The following SLC18A1 variants were observed in gnomAD, a reference collection of about 807,000 sequenced individuals.
SLC18A1 encodes the protein chromaffin granule amine transporter.
In SLC18A1, 69 loss-of-function variants were observed where a neutral mutation model predicts 53.7. The ratio of observed to expected loss-of-function variants is 1.28; its 90% CI spans 1.06 to 1.57. SLC18A1 has a LOEUF of 1.57. Among genes scored for constraint, SLC18A1 ranks in the 40% most tolerant of loss-of-function variants. SLC18A1 has a pLI of 0.00. For missense variants in SLC18A1, 932 were observed against 668.1 expected (o/e 1.40, Z -4.35); for synonymous variants, 320 against 248.1 (o/e 1.29, Z -2.72).
At chr8:20,153,451 G>A (rs1464140395) in intron 10 of SLC18A1, among the ~76,000 whole-genome samples, 1 of 152,180 alleles carries the variant, frequency 6.6e-6, no homozygotes, top group Non-Finnish European at 1.5e-5. Flanking sequence ...GCAGAGGCGG[G>A]TGGATCACAA....
intron 12 of SLC18A1, 40 bp downstream of exon 12, chr8:20,149,636 C>A: frequency 1.3e-6 from 2 of 1,529,074 alleles, no homozygotes; most frequent in Admixed American, 3.4e-5. Flanking sequence ...GTCTCTCGCT[C>A]TCTCTCTCCT....
rs956140182 is a variant in SLC18A1, at chr8:20,161,952, T to C, written c.1015+2917A>G. Among the ~76,000 whole-genome samples the C allele has an allele frequency of 3.4e-4, 52 of 152,304 alleles. 1 individual carries two copies. The highest frequency in any genetic ancestry group is 1.2e-3 in the African/African-American group (51 of 41,568). On this transcript the variant is annotated intron_variant, in intron 10 of 15. Coordinates refer to ENST00000276373, the MANE Select transcript of SLC18A1 (RefSeq NM_003053.4). ...CCGTGATCTTGGAAGTGGCTGTGCA[T>C]GGCATCTTTTGAAATTTAGGTGGAA... is the stretch of plus-strand genomic sequence containing the variant.
intron 8 of SLC18A1, 64 bp from the exon 9 acceptor site, chr8:20,165,171 G>C (rs1274293027): frequency 9.9e-6 from 14 of 1,407,212 alleles, no homozygotes; most frequent in Non-Finnish European, 1.3e-5. Context: ...TATTTTCACA[G>C]AATCTGAGAA....
chr8:20,149,780 C>T (rs1475304058), intron 11 of SLC18A1, 53 bp from the exon 12 acceptor site: 2 of 1,543,732 alleles, frequency 1.3e-6, no homozygotes, highest in Admixed American at 3.4e-5. Flanking sequence ...TCCCCTCCAC[C>T]TGTACCCCAT....
At chr8:20,153,667 A>T (rs1348963478) in intron 10 of SLC18A1, among the ~76,000 whole-genome samples, 2 of 77,104 alleles carry the variant, frequency 2.6e-5, no homozygotes, top group Non-Finnish European at 5.0e-5. Context: ...ACTCTGTCTC[A>T]AAAAAAAAAA....
Position 20,154,422 on chromosome 8 carries a change from A to G in SLC18A1, c.1016-3678T>C, listed in dbSNP as rs192953000. On this transcript the variant is annotated intron_variant, in intron 10 of 15. Transcript: ENST00000276373. Reference sequence around the variant, plus strand: ...AATGAGGAGGGACAACTAAGAGGTCACTAGATGTTTGCAACAAACAAGGGT... The same window carrying G: ...AATGAGGAGGGACAACTAAGAGGTCGCTAGATGTTTGCAACAAACAAGGGT... Among the ~76,000 whole-genome samples, 54 of 152,350 alleles carry G rather than the reference A, an allele frequency of 3.5e-4. No individual in the cohort carries two copies. The East Asian group carries it at 6.4e-3, about 18-fold the overall frequency.
chr8:20,147,682 C>G lies in SLC18A1; in HGVS notation c.1251G>C (p.Leu417=). The G allele has an allele frequency of 1.2e-6, 2 of 1,613,844 alleles. No individual in the cohort carries two copies. Among genetic ancestry groups the G allele is most frequent in the Non-Finnish European group, 1.7e-6 (2 of 1,179,904 alleles). The change falls in exon 14 of 16, where the codon CTG becomes CTC. Residue 417 remains leucine, a synonymous_variant. Coordinates refer to ENST00000276373, the MANE Select transcript of SLC18A1 (RefSeq NM_003053.4). The stretch of plus-strand genomic sequence containing the variant: ...ACACCGAGGTGTGGCGTAGATCCAC[C>G]AGGTGCCCCATGATGGGCATCATAG... ...DSSMMPIMGH[L]VDLRHTSVYG...
intron 10 of SLC18A1, among the ~76,000 whole-genome samples, chr8:20,159,184 C>T (rs774166814): frequency 5.9e-5 from 9 of 152,124 alleles, no homozygotes; most frequent in Non-Finnish European, 1.3e-4. Context: ...CGAAAGCACC[C>T]CTCTCAAGGA....
At chr8:20,148,215 T>C (rs2071453008) in intron 12 of SLC18A1, 145 bp from the exon 13 acceptor site, 1 of 736,840 alleles carries the variant, frequency 1.4e-6, no homozygotes, top group East Asian at 2.7e-5. Flanking sequence ...GACTTTCTCA[T>C]GGAAAAGAAT....
chr8:20,156,063 T>C (rs987885101), intron 10 of SLC18A1, among the ~76,000 whole-genome samples: 1 of 152,242 alleles, frequency 6.6e-6, no homozygotes, highest in Non-Finnish European at 1.5e-5. Flanking sequence ...GATGACCCAG[T>C]ACTTTAACAC....
chr8:20,149,694 T>A lies in SLC18A1; in HGVS notation c.1128A>T (p.Val376=). 1.2e-6 allele frequency: 2 copies of A among 1,612,778 alleles called. No homozygotes were observed. The highest frequency in any genetic ancestry group is 1.7e-6 in the Non-Finnish European group (2 of 1,179,522). Residue 376 remains valine (V), a synonymous_variant, in exon 12 of 16, where the codon GTA becomes GTT. Transcript: ENST00000276373. ...WLCSLIGMLV[V]GTSLLCVPLA... is the part of the protein sequence containing the mutation. ...TACTTACACAGAGCAAGCTGGTACC[T>A]ACTACCAGCATCCCGATTAGGGAAC...
chr8:20,146,970 C>T (rs1446535961), intron 15 of SLC18A1, among the ~76,000 whole-genome samples: 1 of 152,120 alleles, frequency 6.6e-6, no homozygotes, highest in Non-Finnish European at 1.5e-5. Flanking sequence ...AAGCTAAGAA[C>T]AGTAACTACA....
At chr8:20,162,072 G>A (rs2071844488) in intron 10 of SLC18A1, among the ~76,000 whole-genome samples, 1 of 152,206 alleles carries the variant, frequency 6.6e-6, no homozygotes, top group Non-Finnish European at 1.5e-5. Context: ...CCTCCAGAGT[G>A]GGAGGCCAGG....
intron 10 of SLC18A1, among the ~76,000 whole-genome samples, chr8:20,154,352 A>G (rs1354789029): frequency 2.6e-5 from 4 of 152,206 alleles, no homozygotes; most frequent in Non-Finnish European, 4.4e-5. Context: ...TGGTGACAGG[A>G]GTAGAGGTGA....
rs750867377 is a variant in SLC18A1 at position 20,171,095 on chromosome 8, C to G, written c.858+8G>C. The G allele has an allele frequency of 1.9e-6, 3 of 1,614,034 alleles. No homozygotes were observed. The highest frequency in any genetic ancestry group is 2.5e-6 in the Non-Finnish European group (3 of 1,179,908). On this transcript the variant is annotated splice_region_variant and intron_variant, in intron 8 of 15. Transcript: ENST00000276373. ...AACTGTTAGAAATGGAGCTTTGTGT[C>G]TGCTTACCTCAGGAGAGACTTTGGA...
At chr8:20,180,746 C>T in intron 2 of SLC18A1, 95 bp downstream of exon 2, 3 of 1,494,184 alleles carry the variant, frequency 2.0e-6, no homozygotes, top group Non-Finnish European at 2.7e-6. Flanking sequence ...AAGGAAAATT[C>T]TCAGATGGAT....
intron 8 of SLC18A1, among the ~76,000 whole-genome samples, chr8:20,166,067 A>G (rs182157275): frequency 2.0e-5 from 3 of 152,066 alleles, no homozygotes; most frequent in Admixed American, 6.5e-5. Flanking sequence ...AATCATTAAA[A>G]TATACATTTA....
chr8:20,155,711 A>T (rs1473908080), intron 10 of SLC18A1, among the ~76,000 whole-genome samples: 1 of 152,150 alleles, frequency 6.6e-6, no homozygotes, highest in Non-Finnish European at 1.5e-5. Context: ...CCTCCTAGGT[A>T]CTAATGCTTC....
chr8:20,162,618 A>T (rs1309608459), intron 10 of SLC18A1, among the ~76,000 whole-genome samples: 2 of 152,204 alleles, frequency 1.3e-5, no homozygotes, highest in East Asian at 3.9e-4. Context: ...TAGGTTATGG[A>T]TACAAGTCTG....
Sources: gnomAD v4.1 joint callset for allele counts (sites outside exome capture counted in the v4.1 genomes callset) on GRCh38, gnomAD v4.1.1 for gene constraint, MANE v1.5 for transcripts, NCBI Gene and HGNC (gene_info 2026-07-23, HGNC 2026-07-21) for gene names.